ARHGAP10: variants seen among roughly 807,000 people sequenced by gnomAD.
ARHGAP10 encodes the protein rho GTPase-activating protein 10.
ARHGAP10 carries 87 observed loss-of-function variants against 108.6 expected under a neutral mutation model. The ratio of observed to expected loss-of-function variants is 0.80; its 90% CI spans 0.67 to 0.96. The LOEUF (loss-of-function observed/expected upper bound fraction) is 0.96, where lower values mean the gene tolerates loss of function less well. ARHGAP10 is among the 40% of genes least tolerant of loss of function. The probability of loss-of-function intolerance (pLI) is 0.00; values close to 1 mark genes in which losing one functional copy is unlikely to be tolerated. For missense variants in ARHGAP10, 939 were observed against 954.5 expected (o/e 0.98, Z 0.21); for synonymous variants, 347 against 341.1 (o/e 1.02, Z -0.19).
At chr4:147,759,024 A>G (rs1391819186) in intron 1 of ARHGAP10, among the ~76,000 whole-genome samples, 2 of 151,386 alleles carry the variant, frequency 1.3e-5, no homozygotes, top group South Asian at 2.1e-4. Flanking sequence ...TTATGCATCT[A>G]CTTTTTGTCT....
intron 19 of ARHGAP10, among the ~76,000 whole-genome samples, chr4:148,029,487 G>C (rs1342876648): frequency 1.3e-5 from 2 of 152,262 alleles, no homozygotes; most frequent in Non-Finnish European, 2.9e-5. Context: ...ATGTGGAGGT[G>C]TGAGAAGGAC....
At chr4:147,818,364 A>G (rs1391591359) in intron 1 of ARHGAP10, among the ~76,000 whole-genome samples, 1 of 151,890 alleles carries the variant, frequency 6.6e-6, no homozygotes, top group Non-Finnish European at 1.5e-5. Context: ...TCGGGAGTTC[A>G]AGAGCAGCCT....
At chr4:147,979,496 G>C (rs1739728824) in intron 18 of ARHGAP10, among the ~76,000 whole-genome samples, 1 of 151,982 alleles carries the variant, frequency 6.6e-6, no homozygotes, top group Non-Finnish European at 1.5e-5. Flanking sequence ...CTTTTGCTTA[G>C]GATTGCCTTG....
chr4:147,743,385 A>T (rs1728775320), intron 1 of ARHGAP10, among the ~76,000 whole-genome samples: 1 of 152,120 alleles, frequency 6.6e-6, no homozygotes, highest in Non-Finnish European at 1.5e-5. Context: ...CAGCAAACAT[A>T]CTAAAATAGA....
chr4:147,795,239 T>G (rs1376355195), intron 1 of ARHGAP10, among the ~76,000 whole-genome samples: 2 of 152,218 alleles, frequency 1.3e-5, no homozygotes, highest in African/African-American at 4.8e-5. Context: ...TGAGCCACCA[T>G]GCTATGCCCA....
intron 14 of ARHGAP10, among the ~76,000 whole-genome samples, chr4:147,943,361 AG>A (rs1738232072): frequency 6.6e-6 from 1 of 152,236 alleles, no homozygotes; most frequent in African/African-American, 2.4e-5. Flanking sequence ...TTTCCTTTGT[AG>A]GACAGCTTTG....
chr4:147,918,798 G>A (rs1737102239), intron 13 of ARHGAP10, among the ~76,000 whole-genome samples: 1 of 152,238 alleles, frequency 6.6e-6, no homozygotes. Context: ...TGGGTACTGA[G>A]AATCTAGTTC....
chr4:147,848,773 C>G (rs1344213548), intron 4 of ARHGAP10, among the ~76,000 whole-genome samples: 1 of 152,122 alleles, frequency 6.6e-6, no homozygotes. Context: ...AATGTCTGAC[C>G]TTGAATCTTC....
rs1251189636 is a variant in ARHGAP10 at position 147,991,611 on chromosome 4, G to T, written c.1716+24772G>T. 2.0e-5 allele frequency among the ~76,000 whole-genome samples: 3 copies of T among 152,216 alleles called. No individual in the cohort carries two copies. The East Asian group carries it at 5.8e-4, about 29-fold the overall frequency. ...CTCCCAGAAGGCGAGGAGGTATTCA[G>T]CATGACAACTGCACATGCACAGTTT... On this transcript the variant is annotated intron_variant, in intron 18 of 22. Coordinates refer to ENST00000336498, the MANE Select transcript of ARHGAP10 (RefSeq NM_024605.4).
chr4:147,931,513 A>G (rs544757101), intron 13 of ARHGAP10, among the ~76,000 whole-genome samples: 4 of 152,296 alleles, frequency 2.6e-5, no homozygotes, highest in African/African-American at 9.6e-5. Context: ...ATAGTTCTAT[A>G]TCAAATTCAA....
chr4:148,023,486 CCA>C, intron 19 of ARHGAP10, 73 bp downstream of exon 19: 1 of 1,421,112 alleles, frequency 7.0e-7, no homozygotes, highest in East Asian at 2.4e-5. Context: ...TCAGGGCAGG[CCA>C]CAGTTTTCTG....
At chr4:147,838,642 C>T (rs1175264593) in intron 3 of ARHGAP10, among the ~76,000 whole-genome samples, 1 of 152,300 alleles carries the variant, frequency 6.6e-6, no homozygotes, top group Admixed American at 6.5e-5. Context: ...CAACTAGCCT[C>T]CCACCTCAGC....
At chr4:147,986,530 C>T (rs1215457328) in intron 18 of ARHGAP10, among the ~76,000 whole-genome samples, 4 of 152,152 alleles carry the variant, frequency 2.6e-5, no homozygotes, top group Non-Finnish European at 5.9e-5. Flanking sequence ...ACTCCTCTCC[C>T]CTGGTCACCT....
intron 20 of ARHGAP10, among the ~76,000 whole-genome samples, chr4:148,049,364 T>C (rs527710492): frequency 2.0e-5 from 3 of 152,322 alleles, no homozygotes; most frequent in African/African-American, 7.2e-5. Context: ...CTGTGCTGAG[T>C]ATAAGCTGCT....
At chr4:147,798,869 T>A (rs180681596) in intron 1 of ARHGAP10, among the ~76,000 whole-genome samples, 10 of 149,876 alleles carry the variant, frequency 6.7e-5, no homozygotes, top group Non-Finnish European at 8.8e-5. Context: ...TTAGTCTCCA[T>A]GGTTTCAGAT....
chr4:147,745,593 G>A (rs1296215277), intron 1 of ARHGAP10, among the ~76,000 whole-genome samples: 2 of 152,182 alleles, frequency 1.3e-5, no homozygotes, highest in African/African-American at 2.4e-5. Flanking sequence ...CTGGGTTCAC[G>A]CCATTCTCCT....
chr4:147,807,515 G>A (rs542594870), intron 1 of ARHGAP10, among the ~76,000 whole-genome samples: 38 of 151,728 alleles, frequency 2.5e-4, no homozygotes, highest in African/African-American at 8.9e-4. Flanking sequence ...TAAAGAGGTC[G>A]GTGTATTTTA....
Position 147,732,250 on chromosome 4 carries a change from G to C in ARHGAP10, c.-52G>C. 5.3e-6 allele frequency: 8 copies of C among 1,497,150 alleles called. No individual in the cohort carries two copies. Among genetic ancestry groups the C allele is most frequent in the South Asian group, 2.6e-5 (2 of 75,644 alleles). 92.7% of individuals were successfully genotyped at this position (1,497,150 alleles called of 1,614,324 possible). A position where few individuals can be genotyped will look rare whatever the true frequency, so the allele number is the denominator to read the frequency against. Reference sequence around the variant, plus strand: ...GCACCTGGCAGCGGCCTCGGAGCTCGGCTCGGGCAGGAGCGCGCGGCCGTG... The same window carrying C: ...GCACCTGGCAGCGGCCTCGGAGCTCCGCTCGGGCAGGAGCGCGCGGCCGTG... On this transcript the variant is annotated 5_prime_UTR_variant, in exon 1 of 23. Transcript: ENST00000336498.
chr4:148,066,353 T>C (rs1028516766), intron 22 of ARHGAP10, among the ~76,000 whole-genome samples: 2 of 152,132 alleles, frequency 1.3e-5, no homozygotes, highest in Non-Finnish European at 2.9e-5. Context: ...TTTAGACCAA[T>C]GAGAATCACA....
Sources: allele counts gnomAD v4.1 joint callset (sites outside exome capture counted in the v4.1 genomes callset), GRCh38; gene constraint gnomAD v4.1.1; transcripts MANE v1.5; gene names NCBI Gene and HGNC (gene_info 2026-07-23, HGNC 2026-07-21).